The following SGMS1 variants were observed in gnomAD, a reference collection of about 807,000 sequenced individuals.
SGMS1 encodes phosphatidylcholine:ceramide cholinephosphotransferase 1.
Under a neutral mutation model 46.2 loss-of-function variants are expected in SGMS1, and 13 were observed. The observed-to-expected ratio is 0.28, with a 90% CI of 0.18 to 0.45. The LOEUF is 0.45. Ranked by LOEUF, SGMS1 falls within the 20% of genes least tolerant of loss-of-function variation. SGMS1 has a pLI of 1.00. For synonymous variants in SGMS1, 203 were observed against 187.8 expected, an observed-to-expected ratio of 1.08 and a Z score of -0.66; for missense variants, 324 against 519.9, an observed-to-expected ratio of 0.62 and a Z score of 3.66.
At chr10:50,501,920 C>T (rs1285419046) in intron 3 of SGMS1, among the ~76,000 whole-genome samples, 1 of 152,160 alleles carries the variant, frequency 6.6e-6, no homozygotes, top group African/African-American at 2.4e-5. Flanking sequence ...CCAAACTGCA[C>T]ATCTTGCTTC....
intron 6 of SGMS1, among the ~76,000 whole-genome samples, chr10:50,410,726 C>G (rs1849084011): frequency 6.6e-6 from 1 of 152,186 alleles, no homozygotes; most frequent in African/African-American, 2.4e-5. Flanking sequence ...ATTTCAAAAG[C>G]CCTCAGACAG....
intron 1 of SGMS1, among the ~76,000 whole-genome samples, chr10:50,600,853 C>G (rs17581623): frequency 6.6e-6 from 1 of 152,186 alleles, no homozygotes; most frequent in South Asian, 2.1e-4. Flanking sequence ...AGCCAAGAAC[C>G]GAGTCTAGGA....
At position 50,311,145 on chromosome 10, in the gene SGMS1, T is replaced by C. The variant is rs181576081; in HGVS notation, c.895+117A>G. 125 of 1,237,854 alleles carry C rather than the reference T, an allele frequency of 1.0e-4. No homozygotes were observed. The African/African-American group carries it at 1.6e-3, about 16-fold the overall frequency. 76.7% of individuals were successfully genotyped at this position (1,237,854 alleles called of 1,614,324 possible). On this transcript the variant is annotated intron_variant, in intron 9 of 10. Transcript: ENST00000361781. Reference sequence around the variant, plus strand: ...TGGCGATGAGATGAAGCTGCAAGCCTCCTGAAGCCTCCAGTCTTGCTTCAG... The same window carrying C: ...TGGCGATGAGATGAAGCTGCAAGCCCCCTGAAGCCTCCAGTCTTGCTTCAG...
At chr10:50,384,341 G>T (rs1848650134) in intron 6 of SGMS1, among the ~76,000 whole-genome samples, 1 of 151,944 alleles carries the variant, frequency 6.6e-6, no homozygotes, top group Non-Finnish European at 1.5e-5. Context: ...ACCTCAGATA[G>T]ATTTTTAAAC....
chr10:50,386,062 C>A (rs988654568), intron 6 of SGMS1, among the ~76,000 whole-genome samples: 5 of 152,074 alleles, frequency 3.3e-5, no homozygotes, highest in African/African-American at 1.2e-4. Flanking sequence ...GGCAATTCTG[C>A]GATGCCTAAC....
At chr10:50,540,807 C>A (rs1188113410) in intron 2 of SGMS1, among the ~76,000 whole-genome samples, 1 of 152,068 alleles carries the variant, frequency 6.6e-6, no homozygotes, top group Non-Finnish European at 1.5e-5. Context: ...TTGAGTCCTG[C>A]AGGTTTGTTT....
chr10:50,338,351 A>ACAACTGTCTTATG (rs1359024661), intron 7 of SGMS1, among the ~76,000 whole-genome samples: 1 of 152,156 alleles, frequency 6.6e-6, no homozygotes, highest in Non-Finnish European at 1.5e-5. Context: ...TTCTCCTTAT[A>ACAACTGTCTTATG]CAACTGTCTT....
At chr10:50,472,587 C>A (rs1319645660) in intron 3 of SGMS1, among the ~76,000 whole-genome samples, 1 of 152,016 alleles carries the variant, frequency 6.6e-6, no homozygotes, top group Non-Finnish European at 1.5e-5. Context: ...TAATGGACTC[C>A]TAGGTTGTTT....
chr10:50,575,651 T>TA (rs776026692), intron 2 of SGMS1, among the ~76,000 whole-genome samples: 12 of 151,710 alleles, frequency 7.9e-5, no homozygotes, highest in Non-Finnish European at 1.5e-4. Flanking sequence ...TTGGAGGTGA[T>TA]AGATATGTTT....
intron 3 of SGMS1, among the ~76,000 whole-genome samples, chr10:50,508,299 T>C (rs929197629): frequency 2.0e-5 from 3 of 152,088 alleles, no homozygotes; most frequent in African/African-American, 7.2e-5. Context: ...GGGCCATAAG[T>C]TTATGGGGTC....
chr10:50,445,046 A>G (rs547261366), intron 5 of SGMS1, among the ~76,000 whole-genome samples: 75 of 152,328 alleles, frequency 4.9e-4, no homozygotes, highest in Non-Finnish European at 8.5e-4. Flanking sequence ...TTAAAATAGT[A>G]AAAGATTTGA....
intron 3 of SGMS1, among the ~76,000 whole-genome samples, chr10:50,494,913 G>A (rs1352358589): frequency 6.6e-6 from 1 of 151,466 alleles, no homozygotes; most frequent in Non-Finnish European, 1.5e-5. Flanking sequence ...GCGGGCACCT[G>A]TAGTCCCAGC....
chr10:50,567,307 C>A (rs1838297382), intron 2 of SGMS1, among the ~76,000 whole-genome samples: 1 of 152,106 alleles, frequency 6.6e-6, no homozygotes, highest in Non-Finnish European at 1.5e-5. Context: ...TGAATATTTT[C>A]AACCCATAGC....
intron 3 of SGMS1, among the ~76,000 whole-genome samples, chr10:50,491,932 A>G (rs1049789251): frequency 2.6e-5 from 4 of 152,208 alleles, no homozygotes; most frequent in Non-Finnish European, 5.9e-5. Flanking sequence ...AATACTGACA[A>G]ACCAAATCCA....
chr10:50,562,605 G>A (rs1277376752), intron 2 of SGMS1, among the ~76,000 whole-genome samples: 2 of 152,096 alleles, frequency 1.3e-5, no homozygotes, highest in African/African-American at 4.8e-5. Context: ...GTGCAGTGGC[G>A]CGATCTCGTC....
chr10:50,513,388 C>A (rs1186074936), intron 3 of SGMS1, among the ~76,000 whole-genome samples: 1 of 152,116 alleles, frequency 6.6e-6, no homozygotes, highest in Non-Finnish European at 1.5e-5. Flanking sequence ...AGTTGTAGCT[C>A]CCAAACAAGT....
intron 3 of SGMS1, among the ~76,000 whole-genome samples, chr10:50,476,609 G>A (rs1242871339): frequency 6.6e-6 from 1 of 152,186 alleles, no homozygotes; most frequent in South Asian, 2.1e-4. Context: ...GACCTTTGTG[G>A]CAGTCTCTCC....
intron 6 of SGMS1, among the ~76,000 whole-genome samples, chr10:50,352,688 C>T (rs1244584625): frequency 2.0e-5 from 3 of 152,084 alleles, no homozygotes; most frequent in African/African-American, 7.2e-5. Flanking sequence ...TTAGGGCTCT[C>T]CCACTGAAAT....
At chr10:50,592,378 G>C (rs1838550155) in intron 1 of SGMS1, among the ~76,000 whole-genome samples, 2 of 152,154 alleles carry the variant, frequency 1.3e-5, no homozygotes, top group Non-Finnish European at 2.9e-5. Context: ...GCTTGCCTAG[G>C]TCATTTTTGG....
Sources: allele counts gnomAD v4.1 joint callset (sites outside exome capture counted in the v4.1 genomes callset), GRCh38; gene constraint gnomAD v4.1.1; transcripts MANE v1.5; gene names NCBI Gene and HGNC (gene_info 2026-07-23, HGNC 2026-07-21).